Variants in SS18 observed in about 807,000 individuals in gnomAD.
The protein encoded by SS18 is protein SSXT.
In SS18, 28 loss-of-function variants were observed where a neutral mutation model predicts 72.5. The ratio of observed to expected loss-of-function variants is 0.39; its 90% CI spans 0.29 to 0.53. The LOEUF (loss-of-function observed/expected upper bound fraction) is 0.53, where lower values mean the gene tolerates loss of function less well. Among genes scored for constraint, SS18 ranks in the 20% least tolerant of loss-of-function variants. SS18 has a pLI of 0.76. For missense variants in SS18, 518 were observed against 535.3 expected (o/e 0.97, Z 0.32); for synonymous variants, 172 against 164.2 (o/e 1.05, Z -0.37).
At chr18:26,085,175 C>G (rs2054595120) in intron 2 of SS18, among the ~76,000 whole-genome samples, 1 of 152,034 alleles carries the variant, frequency 6.6e-6, no homozygotes, top group African/African-American at 2.4e-5. Context: ...GAAATTATTT[C>G]AAAACAAAAA....
intron 5 of SS18, among the ~76,000 whole-genome samples, chr18:26,042,059 A>G (rs1367414293): frequency 6.6e-6 from 1 of 152,138 alleles, no homozygotes; most frequent in East Asian, 1.9e-4. Context: ...AGAAAAAAAA[A>G]ATTATGACTA....
intron 3 of SS18, chr18:26,068,304 T>C (rs2054254845): frequency 1.3e-5 from 2 of 152,168 alleles, no homozygotes; most frequent in South Asian, 4.1e-4. Context: ...CAGAACAGGG[T>C]ACACGGCAAG....
At position 26,016,500 on chromosome 18, in the gene SS18, A is replaced by C; in HGVS notation, c.*1854T>G. The C allele has an allele frequency of 5.5e-6, 1 of 180,594 alleles. No homozygotes were observed. Among genetic ancestry groups the C allele is most frequent in the African/African-American group, 2.4e-5 (1 of 42,442 alleles). 11.2% of individuals were successfully genotyped at this position (180,594 alleles called of 1,614,324 possible). A position where few individuals can be genotyped will look rare whatever the true frequency, so the allele number is the denominator to read the frequency against. ...CACTTTGGAAGGCCGAGGCGGGTGG[A>C]TCACCTGAGGTCAGGAGTTCGAGAC... is the stretch of plus-strand genomic sequence containing the variant. On this transcript the variant is annotated 3_prime_UTR_variant, in exon 11 of 11. Coordinates refer to ENST00000415083, the MANE Select transcript of SS18 (RefSeq NM_001007559.3).
At chr18:26,078,318 A>G (rs2054454001) in intron 2 of SS18, 158 bp from the exon 3 acceptor site, 1 of 517,810 alleles carries the variant, frequency 1.9e-6, no homozygotes, top group Non-Finnish European at 3.4e-6. Flanking sequence ...AGTTCCAAAT[A>G]ATAAATATTT....
intron 7 of SS18, among the ~76,000 whole-genome samples, chr18:26,037,464 T>C (rs1466717431): frequency 6.6e-6 from 1 of 152,090 alleles, no homozygotes; most frequent in Non-Finnish European, 1.5e-5. Flanking sequence ...CTAAAGTTTT[T>C]AATTTAAAAA....
At chr18:26,089,164 C>T (rs1369411291) in intron 1 of SS18, among the ~76,000 whole-genome samples, 2 of 151,986 alleles carry the variant, frequency 1.3e-5, no homozygotes, top group African/African-American at 4.8e-5. Context: ...CAGCATCCTC[C>T]GAATTAATCA....
At chr18:26,062,481 T>C (rs929076878) in intron 3 of SS18, among the ~76,000 whole-genome samples, 1 of 152,144 alleles carries the variant, frequency 6.6e-6, no homozygotes, top group Non-Finnish European at 1.5e-5. Context: ...GAAAAAATTA[T>C]GCTTGATTAA....
At chr18:26,086,087 CTTA>C (rs1180561675) in intron 2 of SS18, 1 of 151,500 alleles carries the variant, frequency 6.6e-6, no homozygotes, top group African/African-American at 2.4e-5. Flanking sequence ...AGGCTTTTTT[CTTA>C]TTATTCCCTA....
chr18:26,043,724 T>C (rs1420401656), intron 5 of SS18, among the ~76,000 whole-genome samples: 1 of 152,130 alleles, frequency 6.6e-6, no homozygotes, highest in East Asian at 1.9e-4. Context: ...TAAGAAAATG[T>C]AGGATGACTA....
intron 3 of SS18, among the ~76,000 whole-genome samples, chr18:26,073,593 A>C (rs1320700719): frequency 6.6e-6 from 1 of 152,252 alleles, no homozygotes; most frequent in African/African-American, 2.4e-5. Flanking sequence ...ATTATGAATC[A>C]AGGCAATGAC....
intron 2 of SS18, among the ~76,000 whole-genome samples, chr18:26,079,870 T>C (rs1039783771): frequency 2.6e-5 from 4 of 152,110 alleles, no homozygotes; most frequent in South Asian, 4.1e-4. Flanking sequence ...CGTGAGCCAC[T>C]GTACCCAGCC....
chr18:26,089,056 ATC>A (rs1598621852), intron 1 of SS18, among the ~76,000 whole-genome samples: 2 of 152,232 alleles, frequency 1.3e-5, no homozygotes, highest in South Asian at 4.1e-4. Flanking sequence ...CCATTAAAAT[ATC>A]TGTCTCACAT....
intron 3 of SS18, among the ~76,000 whole-genome samples, chr18:26,072,932 T>TA (rs1325825389): frequency 6.7e-6 from 1 of 149,518 alleles, no homozygotes; most frequent in African/African-American, 2.5e-5. Flanking sequence ...TTGGAAAGAC[T>TA]AAAAAAACAA....
chr18:26,016,879 CA>C lies in SS18; in HGVS notation c.*1474del. ...TTGAGAACAGTATGTTCTGCTTATT[CA>C]AATTTATGACGCCCCTTCTGTTTTG... is the stretch of plus-strand genomic sequence containing the variant. On this transcript the variant is annotated 3_prime_UTR_variant, in exon 11 of 11. Transcript: ENST00000415083. The C allele has an allele frequency of 8.7e-6, 2 of 229,562 alleles. No individual in the cohort carries two copies. Among genetic ancestry groups the C allele is most frequent in the Non-Finnish European group, 1.7e-5 (2 of 115,482 alleles). The allele number at this position is 229,562 out of a possible 1,614,324, so 14.2% of individuals were successfully genotyped here.
intron 5 of SS18, among the ~76,000 whole-genome samples, chr18:26,051,295 TACG>T (rs2053919188): frequency 6.6e-6 from 1 of 152,208 alleles, no homozygotes; most frequent in Non-Finnish European, 1.5e-5. Flanking sequence ...ACTTACAAAA[TACG>T]ACATTTTTAA....
intron 2 of SS18, 75 bp downstream of exon 2, chr18:26,087,426 A>G (rs2054634815): frequency 1.3e-6 from 1 of 781,840 alleles, no homozygotes; most frequent in Non-Finnish European, 2.2e-6. Context: ...ATATCTCAAT[A>G]AAGCTGTTAG....
At chr18:26,038,501 C>T (rs2053663848) in intron 7 of SS18, 54 bp downstream of exon 7, 4 of 1,474,422 alleles carry the variant, frequency 2.7e-6, no homozygotes, top group Non-Finnish European at 9.5e-7. Flanking sequence ...TAACTCTCTA[C>T]ATTAATATTA....
intron 3 of SS18, among the ~76,000 whole-genome samples, chr18:26,069,155 T>C (rs1326531327): frequency 2.0e-5 from 3 of 152,202 alleles, no homozygotes; most frequent in African/African-American, 7.2e-5. Context: ...TTTCCATTGA[T>C]ATCCTCCAAT....
chr18:26,078,317 T>C, intron 2 of SS18, 157 bp from the exon 3 acceptor site: 1 of 517,236 alleles, frequency 1.9e-6, no homozygotes, highest in Non-Finnish European at 3.4e-6. Flanking sequence ...AAGTTCCAAA[T>C]AATAAATATT....
Sources: allele counts gnomAD v4.1 joint callset (sites outside exome capture counted in the v4.1 genomes callset), GRCh38; gene constraint gnomAD v4.1.1; transcripts MANE v1.5; gene names NCBI Gene and HGNC (gene_info 2026-07-23, HGNC 2026-07-21).